The following AGBL4 variants were observed in gnomAD, a reference collection of about 807,000 sequenced individuals.
The protein encoded by AGBL4 is cytosolic carboxypeptidase 6.
Under a neutral mutation model 66.4 loss-of-function variants are expected in AGBL4, and 58 were observed. The ratio of observed to expected loss-of-function variants is 0.87; its 90% CI spans 0.71 to 1.09. The LOEUF (loss-of-function observed/expected upper bound fraction) is 1.09, where lower values mean the gene tolerates loss of function less well. Ranked by LOEUF, AGBL4 falls within the 50% of genes least tolerant of loss-of-function variation. The pLI is 0.00. For synonymous variants in AGBL4, 234 were observed against 222.9 expected, an observed-to-expected ratio of 1.05 and a Z score of -0.44; for missense variants, 579 against 631.0, an observed-to-expected ratio of 0.92 and a Z score of 0.88.
chr1:48,534,838 A>C, intron 13 of AGBL4, 52 bp downstream of exon 13: 2 of 1,507,418 alleles, frequency 1.3e-6, no homozygotes, highest in Non-Finnish European at 1.8e-6. Flanking sequence ...GCCCTGGAGC[A>C]CATGCATGGT....
intron 1 of AGBL4, among the ~76,000 whole-genome samples, chr1:49,987,611 C>G (rs1282659492): frequency 1.3e-5 from 2 of 152,020 alleles, no homozygotes; most frequent in East Asian, 3.9e-4. Flanking sequence ...TTGCCAAGCA[C>G]ATATTATATT....
intron 6 of AGBL4, among the ~76,000 whole-genome samples, chr1:48,770,850 C>T (rs1644787672): frequency 6.6e-6 from 1 of 152,178 alleles, no homozygotes; most frequent in Non-Finnish European, 1.5e-5. Context: ...CTCAGGTCCA[C>T]CATGACCACC....
At chr1:49,947,259 T>A (rs977919230) in intron 1 of AGBL4, among the ~76,000 whole-genome samples, 2 of 151,530 alleles carry the variant, frequency 1.3e-5, no homozygotes, top group African/African-American at 2.4e-5. Flanking sequence ...AACTACAGAC[T>A]AATACCCCTA....
At chr1:48,623,612 A>G (rs962833023) in intron 9 of AGBL4, among the ~76,000 whole-genome samples, 1 of 152,274 alleles carries the variant, frequency 6.6e-6, no homozygotes, top group Non-Finnish European at 1.5e-5. Context: ...GATGTACCAC[A>G]GTGAATTTGT....
chr1:49,912,969 C>T (rs547001873), intron 1 of AGBL4, among the ~76,000 whole-genome samples: 4 of 152,288 alleles, frequency 2.6e-5, no homozygotes, highest in Non-Finnish European at 4.4e-5. Flanking sequence ...TAATGGTCCC[C>T]GCTCTTAACA....
chr1:48,797,540 A>G (rs1171874744), intron 6 of AGBL4, among the ~76,000 whole-genome samples: 1 of 152,130 alleles, frequency 6.6e-6, no homozygotes, highest in Non-Finnish European at 1.5e-5. Context: ...GTTGCTGTCA[A>G]TGCCATTATT....
rs1644076974 is a variant in AGBL4 at position 48,758,644 on chromosome 1, A to C, written c.635-95403T>G. Among the ~76,000 whole-genome samples the C allele has an allele frequency of 2.0e-5, 3 of 152,176 alleles. No homozygotes were observed. In the South Asian group the frequency reaches 6.2e-4, roughly 32 times the overall value. On this transcript the variant is annotated intron_variant, in intron 6 of 13. Transcript: ENST00000371839. ...ATGCATAAGGGACTGAGCAGTGACA[A>C]ATATTTTGTCAGCTCTTAGTCTCTG...
chr1:49,221,374 AT>A, intron 4 of AGBL4, among the ~76,000 whole-genome samples: 1 of 152,194 alleles, frequency 6.6e-6, no homozygotes, highest in East Asian at 1.9e-4. Flanking sequence ...ACAGCTTCTG[AT>A]TGCTGGAAAG....
intron 3 of AGBL4, among the ~76,000 whole-genome samples, chr1:49,680,737 A>G (rs1330834956): frequency 1.3e-5 from 2 of 151,972 alleles, no homozygotes; most frequent in Non-Finnish European, 2.9e-5. Context: ...CACCCAATCT[A>G]TAGGTTTATG....
At chr1:49,574,735 G>T (rs569797982) in intron 3 of AGBL4, among the ~76,000 whole-genome samples, 1 of 152,042 alleles carries the variant, frequency 6.6e-6, no homozygotes, top group Non-Finnish European at 1.5e-5. Context: ...CAAAGGCAAG[G>T]TGGGCATAGC....
At chr1:49,019,230 A>G (rs1179216450) in intron 5 of AGBL4, among the ~76,000 whole-genome samples, 1 of 152,178 alleles carries the variant, frequency 6.6e-6, no homozygotes, top group Non-Finnish European at 1.5e-5. Flanking sequence ...GTTATATGCC[A>G]TACGAAGGAA....
At chr1:49,781,605 G>A (rs1571553722) in intron 2 of AGBL4, among the ~76,000 whole-genome samples, 1 of 151,998 alleles carries the variant, frequency 6.6e-6, no homozygotes, top group Admixed American at 6.6e-5. Flanking sequence ...AAAGAACAAG[G>A]ACAGAGAAAA....
chr1:48,548,038 CTA>C (rs889498126), intron 11 of AGBL4, among the ~76,000 whole-genome samples: 4 of 152,138 alleles, frequency 2.6e-5, no homozygotes, highest in Non-Finnish European at 4.4e-5. Flanking sequence ...GGAGAACTGA[CTA>C]TGTGCCAAGT....
chr1:49,520,630 G>C (rs1650181256), intron 3 of AGBL4, among the ~76,000 whole-genome samples: 1 of 151,860 alleles, frequency 6.6e-6, no homozygotes, highest in African/African-American at 2.4e-5. Context: ...TAGACTTTGG[G>C]TTTCTAAATC....
At chr1:49,297,028 T>C (rs1473016346) in intron 3 of AGBL4, among the ~76,000 whole-genome samples, 1 of 152,236 alleles carries the variant, frequency 6.6e-6, no homozygotes, top group Non-Finnish European at 1.5e-5. Context: ...TCTCTGCCTA[T>C]GCTCAAGGCC....
chr1:49,838,848 A>T (rs1024429256), intron 2 of AGBL4, among the ~76,000 whole-genome samples: 13 of 150,786 alleles, frequency 8.6e-5, no homozygotes, highest in Admixed American at 4.0e-4. Flanking sequence ...ATTGTTATTT[A>T]AAAAAAACTC....
chr1:49,977,284 C>G (rs1006735129), intron 1 of AGBL4, among the ~76,000 whole-genome samples: 9 of 151,852 alleles, frequency 5.9e-5, no homozygotes, highest in Non-Finnish European at 1.3e-4. Context: ...CTTTCATGAG[C>G]TTCACCTCCC....
intron 6 of AGBL4, among the ~76,000 whole-genome samples, chr1:48,799,271 G>C (rs138273284): frequency 1.3e-3 from 191 of 152,236 alleles, no homozygotes; most frequent in African/African-American, 4.4e-3. Context: ...AAAAGGGGTT[G>C]AGTTCTTTAT....
chr1:49,161,869 G>A (rs1646548708), intron 4 of AGBL4, among the ~76,000 whole-genome samples: 1 of 152,148 alleles, frequency 6.6e-6, no homozygotes. Flanking sequence ...TGCCTCTTGG[G>A]AAGGAGCCAT....
Sources: gnomAD v4.1 joint callset for allele counts (sites outside exome capture counted in the v4.1 genomes callset) on GRCh38, gnomAD v4.1.1 for gene constraint, MANE v1.5 for transcripts, NCBI Gene and HGNC (gene_info 2026-07-23, HGNC 2026-07-21) for gene names.